BIRC6: variants seen among roughly 807,000 people sequenced by gnomAD.
BIRC6 encodes the protein dual E2 ubiquitin-conjugating enzyme/E3 ubiquitin-protein ligase BIRC6.
In BIRC6, 98 loss-of-function variants were observed where a neutral mutation model predicts 503.3. The observed-to-expected ratio is 0.19, with a 90% CI of 0.17 to 0.23. BIRC6 has a LOEUF of 0.23. BIRC6 is among the 10% of genes least tolerant of loss of function. The probability of loss-of-function intolerance (pLI) is 1.00; values close to 1 mark genes in which losing one functional copy is unlikely to be tolerated. For missense variants in BIRC6, 5,360 were observed against 5,806.0 expected (o/e 0.92, Z 2.50); for synonymous variants, 2,240 against 2,078.7 (o/e 1.08, Z -2.11).
chr2:32,435,959 G>A (rs1330121020), intron 14 of BIRC6, 94 bp from the exon 15 acceptor site: 12 of 664,918 alleles, frequency 1.8e-5, no homozygotes, highest in Non-Finnish European at 4.5e-6. Context: ...ATTTTGTGTG[G>A]TGGTATTATA....
rs570763991 is a variant in BIRC6, at chr2:32,441,560, A to T, written c.3944+98A>T. The T allele has an allele frequency of 2.7e-4, 324 of 1,204,140 alleles. No homozygotes were observed. In the African/African-American group the frequency reaches 4.2e-3, roughly 16 times the overall value. The allele number at this position is 1,204,140 out of a possible 1,614,324, so 74.6% of individuals were successfully genotyped here. On this transcript the variant is annotated intron_variant, in intron 17 of 73. Transcript: ENST00000421745. ...CACAAATAAAAAATCTTTTACCTGA[A>T]AATTTTTTTTGTCCATTTTTCTTAA...
intron 46 of BIRC6, among the ~76,000 whole-genome samples, chr2:32,500,343 T>G (rs1558901251): frequency 1.3e-5 from 2 of 151,958 alleles, no homozygotes; most frequent in African/African-American, 4.8e-5. Flanking sequence ...TTGAGATGCC[T>G]CCCAGGTTCA....
intron 65 of BIRC6, chr2:32,564,121 T>C (rs1471259751): frequency 6.6e-6 from 1 of 152,206 alleles, no homozygotes; most frequent in Non-Finnish European, 1.5e-5. Flanking sequence ...TTAGTTATCA[T>C]CTTCCATCCC....
chr2:32,440,087 C>T (rs947975540), intron 16 of BIRC6, among the ~76,000 whole-genome samples: 8 of 152,114 alleles, frequency 5.3e-5, no homozygotes, highest in African/African-American at 1.9e-4. Context: ...CCATATTGGC[C>T]AGGCTGGTCT....
chr2:32,617,627 C>CTTA, intron 73 of BIRC6, 98 bp from the exon 74 acceptor site: 1 of 1,277,028 alleles, frequency 7.8e-7, no homozygotes, highest in South Asian at 1.5e-5. Context: ...TATTTGTAGG[C>CTTA]TTAATGCTTT....
rs561160399 is a variant in BIRC6, at chr2:32,431,552, T to C, written c.3248+462T>C. On this transcript the variant is annotated intron_variant, in intron 12 of 73. Transcript: ENST00000421745. ...CAGTAATATACTTAGGAATTCTGTG[T>C]TGTCTCTAACAAATATATAAGCTAA... Among the ~76,000 whole-genome samples the C allele has an allele frequency of 3.3e-5, 5 of 152,316 alleles. No homozygotes were observed. The East Asian group carries it at 9.7e-4, about 29-fold the overall frequency.
Position 32,467,589 on chromosome 2 carries a change from C to T in BIRC6, c.5421C>T (p.Pro1807=). The change falls in exon 27 of 74, where the codon CCC becomes CCT. Residue 1807 remains proline, a synonymous_variant. Coordinates refer to ENST00000421745, the MANE Select transcript of BIRC6 (RefSeq NM_016252.4). ...TATTGTTGACTGATGTATTGATTCC[C>T]ACTTGTGGAGACTTGGCCTCTTTGT... The part of the protein sequence containing the change: ...RPILLTDVLI[P]TCGDLASLSI... 6.2e-7 allele frequency: 1 copy of T among 1,613,780 alleles called. No homozygotes were observed. The highest frequency in any genetic ancestry group is 1.1e-5 in the South Asian group (1 of 91,072).
At chr2:32,401,050 A>G in intron 6 of BIRC6, 113 bp from the exon 7 acceptor site, 2 of 854,998 alleles carry the variant, frequency 2.3e-6, no homozygotes, top group Non-Finnish European at 1.8e-6. Context: ...GTCTTTAATG[A>G]TGAATACTTT....
chr2:32,525,640 C>T lies in BIRC6; in HGVS notation c.11920+12C>T. 6.2e-7 allele frequency: 1 copy of T among 1,603,372 alleles called. No homozygotes were observed. The highest frequency in any genetic ancestry group is 8.5e-7 in the Non-Finnish European group (1 of 1,175,244). On this transcript the variant is annotated intron_variant, in intron 59 of 73. Transcript: ENST00000421745. ...CAAACTCTTGGCAGGTAATATTCCT[C>T]AATGAATAAACGTCAAAGAAATTTT...
Position 32,497,071 on chromosome 2 carries a change from A to T in BIRC6, c.8469-2476A>T, listed in dbSNP as rs115328209. Among the ~76,000 whole-genome samples the T allele has an allele frequency of 7.7e-3, 1,169 of 152,290 alleles. 13 individuals are homozygous for T. Among genetic ancestry groups the T allele is most frequent in the African/African-American group, 0.027 (1,120 of 41,556 alleles). On this transcript the variant is annotated intron_variant, in intron 45 of 73. Coordinates refer to ENST00000421745, the MANE Select transcript of BIRC6 (RefSeq NM_016252.4). ...TCCAGTTTGTTTCTAACTTGCTAAGACCTTAAAAAAATTATGAATGTCTCT... is the reference window on the plus strand; with the variant it reads ...TCCAGTTTGTTTCTAACTTGCTAAGTCCTTAAAAAAATTATGAATGTCTCT...
chr2:32,418,745 A>G (rs2042635391), intron 10 of BIRC6, among the ~76,000 whole-genome samples: 1 of 152,208 alleles, frequency 6.6e-6, no homozygotes, highest in Non-Finnish European at 1.5e-5. Flanking sequence ...GAGAAATAGT[A>G]TTTACACCTT....
intron 1 of BIRC6, among the ~76,000 whole-genome samples, chr2:32,371,215 CAAAAAAAAAA>C (rs1179033406): frequency 3.5e-5 from 1 of 28,722 alleles, no homozygotes; most frequent in Non-Finnish European, 6.8e-5. Context: ...GACCCTGTCT[CAAAAAAAAAA>C]AAAAAAAAAA....
chr2:32,388,782 T>C lies in BIRC6; in HGVS notation c.678T>C (p.His226=). The C allele has an allele frequency of 1.2e-6, 2 of 1,607,976 alleles. No homozygotes were observed. The highest frequency in any genetic ancestry group is 1.1e-5 in the South Asian group (1 of 90,050). ...WATVTFHLPH[H]VLKSIASAIV... ...CAGTTACATTTCATCTTCCTCATCA[T>C]GTGTTGAAGTCCATTGCCAGTGCCA... Residue 226 remains histidine, a synonymous_variant, in exon 4 of 74, where the codon CAT becomes CAC. Coordinates refer to ENST00000421745, the MANE Select transcript of BIRC6 (RefSeq NM_016252.4).
At chr2:32,606,703 A>G (rs918350032) in intron 71 of BIRC6, among the ~76,000 whole-genome samples, 1 of 151,986 alleles carries the variant, frequency 6.6e-6, no homozygotes, top group East Asian at 1.9e-4. Flanking sequence ...ATAAGTGAGT[A>G]TTGTTAAGAG....
chr2:32,408,244 A>G (rs186357527), intron 9 of BIRC6, among the ~76,000 whole-genome samples: 192 of 152,238 alleles, frequency 1.3e-3, no homozygotes, highest in African/African-American at 4.2e-3. Context: ...CTAGGATTAC[A>G]GGCGTGAGCC....
intron 57 of BIRC6, chr2:32,523,047 C>G (rs942470806): frequency 1.3e-5 from 2 of 152,138 alleles, no homozygotes; most frequent in African/African-American, 2.4e-5. Context: ...CATCACTGCC[C>G]TGCCCTGCCT....
Position 32,502,958 on chromosome 2 carries a change from T to C in BIRC6, c.9304+67T>C. On this transcript the variant is annotated intron_variant, in intron 48 of 73. Transcript: ENST00000421745. ...GTGATAGTATGTTACATTTTCATTTTTGTAGTCTTTTGTGGAAGTTTACTT... is the reference window on the plus strand; with the variant it reads ...GTGATAGTATGTTACATTTTCATTTCTGTAGTCTTTTGTGGAAGTTTACTT... 2.0e-6 allele frequency: 3 copies of C among 1,517,754 alleles called. 1 individual carries two copies. The South Asian group carries it at 3.6e-5, about 18-fold the overall frequency. The allele number at this position is 1,517,754 out of a possible 1,614,324, so 94.0% of individuals were successfully genotyped here.
intron 24 of BIRC6, among the ~76,000 whole-genome samples, chr2:32,463,600 TA>T (rs1485241647): frequency 2.0e-5 from 3 of 152,244 alleles, no homozygotes; most frequent in South Asian, 2.1e-4. Flanking sequence ...ATATGATTGA[TA>T]TTTTTTGTGC....
rs2057815295 is a variant in BIRC6 at position 32,543,314 on chromosome 2, T to C, written c.12365T>C (p.Ile4122Thr). ...KDSDQFEWVTIEQSGELVYEA... is the reference protein window; with the variant it reads ...KDSDQFEWVTTEQSGELVYEA... ...AGCGATCAGTTTGAATGGGTGACCA[T>C]TGAACAGTCAGGGGAGTTAGTTTAT... The change falls in exon 62 of 74, where the codon ATT becomes ACT. Residue 4122 changes from isoleucine (I) to threonine (T), a missense_variant. Around this residue, in one of 16 missense-constraint regions of BIRC6, gnomAD observed 878 missense variants for 928.9 expected, o/e 0.95. Transcript: ENST00000421745. 1.9e-6 allele frequency: 3 copies of C among 1,613,982 alleles called. No individual in the cohort carries two copies. The highest frequency in any genetic ancestry group is 2.5e-6 in the Non-Finnish European group (3 of 1,179,872).
Sources: gnomAD v4.1 joint callset for allele counts (sites outside exome capture counted in the v4.1 genomes callset) on GRCh38, gnomAD v4.1.1 for gene constraint, gnomAD v4.1.1 regional missense constraint, MANE v1.5 for transcripts, NCBI Gene and HGNC (gene_info 2026-07-23, HGNC 2026-07-21) for gene names.